The following ODAD2 variants were observed in gnomAD, a reference collection of about 807,000 sequenced individuals.
ODAD2 encodes the protein outer dynein arm-docking complex subunit 2.
ODAD2 carries 89 observed loss-of-function variants against 106.8 expected under a neutral mutation model. The observed-to-expected ratio is 0.83, with a 90% CI of 0.70 to 0.99. ODAD2 has a LOEUF of 0.99. Among genes scored for constraint, ODAD2 ranks in the 50% least tolerant of loss-of-function variants. The pLI is 0.00. For synonymous variants in ODAD2, 404 were observed against 436.2 expected, an observed-to-expected ratio of 0.93 and a Z score of 0.92; for missense variants, 1,168 against 1,238.5, an observed-to-expected ratio of 0.94 and a Z score of 0.85.
intron 2 of ODAD2, among the ~76,000 whole-genome samples, chr10:27,994,054 A>C (rs1459452177): frequency 6.6e-6 from 1 of 151,468 alleles, no homozygotes; most frequent in Non-Finnish European, 1.5e-5. Context: ...TTAATGAACT[A>C]ATACATTCTT....
intron 16 of ODAD2, among the ~76,000 whole-genome samples, chr10:27,917,388 T>C (rs1450704897): frequency 1.3e-5 from 2 of 151,990 alleles, no homozygotes; most frequent in East Asian, 1.9e-4. Context: ...TAAAGAAAAA[T>C]GTATACCTTT....
intron 19 of ODAD2, among the ~76,000 whole-genome samples, chr10:27,833,864 G>C (rs939470149): frequency 6.6e-6 from 1 of 152,222 alleles, no homozygotes; most frequent in African/African-American, 2.4e-5. Flanking sequence ...ACACCTCCCT[G>C]AAGAACAAGA....
chr10:27,895,502 G>A (rs1842802758), intron 17 of ODAD2, among the ~76,000 whole-genome samples: 3 of 152,112 alleles, frequency 2.0e-5, no homozygotes, highest in Admixed American at 2.0e-4. Flanking sequence ...TGGCCAGGCT[G>A]GGTCTTGAAC....
At chr10:27,877,120 T>G (rs1841393860) in intron 17 of ODAD2, among the ~76,000 whole-genome samples, 1 of 152,118 alleles carries the variant, frequency 6.6e-6, no homozygotes, top group Non-Finnish European at 1.5e-5. Flanking sequence ...TTACAAACAC[T>G]TAAAAGGAAC....
intron 9 of ODAD2, among the ~76,000 whole-genome samples, chr10:27,964,008 A>G (rs778389473): frequency 1.3e-5 from 2 of 152,076 alleles, no homozygotes; most frequent in African/African-American, 2.4e-5. Context: ...GATTGCTTGA[A>G]GTTGGGAGTT....
At chr10:27,898,755 A>G (rs1249699749) in intron 17 of ODAD2, among the ~76,000 whole-genome samples, 2 of 152,172 alleles carry the variant, frequency 1.3e-5, no homozygotes, top group Non-Finnish European at 2.9e-5. Flanking sequence ...ATTGATATTG[A>G]CGAATACATT....
Position 27,994,928 on chromosome 10 carries a change from T to C in ODAD2, c.215A>G (p.Tyr72Cys), listed in dbSNP as rs376330781. The change falls in exon 2 of 20, where the codon TAT becomes TGT. Residue 72 changes from tyrosine to cysteine, a missense_variant. Transcript: ENST00000305242. ...SLAPSAFESG[Y>C]VVSETTVKSE... Reference sequence around the variant, plus strand: ...CAAGTAACTGGCTTACCTGACAACATAACCTGATTCAAATGCTGAGGGCGC... The same window carrying C: ...CAAGTAACTGGCTTACCTGACAACACAACCTGATTCAAATGCTGAGGGCGC... The C allele has an allele frequency of 5.0e-6, 8 of 1,614,128 alleles. No homozygotes were observed. In the Admixed American group the frequency reaches 8.3e-5, roughly 17 times the overall value.
At chr10:27,933,567 G>A (rs1297359783) in intron 16 of ODAD2, among the ~76,000 whole-genome samples, 1 of 152,156 alleles carries the variant, frequency 6.6e-6, no homozygotes, top group Non-Finnish European at 1.5e-5. Flanking sequence ...AAAGATGACA[G>A]AGCCCAACTG....
At chr10:27,917,816 G>A (rs78265374) in intron 16 of ODAD2, among the ~76,000 whole-genome samples, 9,459 of 151,288 alleles carry the variant, frequency 0.063, 378 homozygotes, top group East Asian at 0.18. Context: ...AGAGACTGAT[G>A]GAGAGAGAGA....
chr10:27,963,990 G>A (rs1848329055), intron 9 of ODAD2, among the ~76,000 whole-genome samples: 1 of 152,178 alleles, frequency 6.6e-6, no homozygotes, highest in South Asian at 2.1e-4. Context: ...GGGAAGCCGA[G>A]GTGAGTGGAT....
intron 13 of ODAD2, among the ~76,000 whole-genome samples, 173 bp from the exon 14 acceptor site, chr10:27,940,180 T>C (rs938811413): frequency 1.3e-5 from 2 of 151,998 alleles, no homozygotes; most frequent in South Asian, 4.2e-4. Flanking sequence ...CACATATGTG[T>C]GTTTGTGTGT....
intron 10 of ODAD2, among the ~76,000 whole-genome samples, chr10:27,950,152 A>AT (rs1377117020): frequency 9.2e-5 from 14 of 152,054 alleles, no homozygotes; most frequent in Non-Finnish European, 1.6e-4. Flanking sequence ...CATTCTCAGC[A>AT]TTTTTTCCTT....
intron 9 of ODAD2, among the ~76,000 whole-genome samples, chr10:27,963,341 C>T (rs1848270114): frequency 6.6e-6 from 1 of 152,042 alleles, no homozygotes; most frequent in South Asian, 2.1e-4. Flanking sequence ...ATTTCTAAAC[C>T]TCACAACCAC....
intron 17 of ODAD2, among the ~76,000 whole-genome samples, chr10:27,865,817 G>T (rs1372323239): frequency 6.6e-6 from 1 of 152,196 alleles, no homozygotes; most frequent in East Asian, 1.9e-4. Context: ...CACGAGTCAG[G>T]TTCTATGCAA....
intron 17 of ODAD2, among the ~76,000 whole-genome samples, chr10:27,882,173 A>AAAAGAAAAAGAAAG (rs1841758822): frequency 9.1e-6 from 1 of 109,682 alleles, no homozygotes; most frequent in African/African-American, 3.5e-5. Flanking sequence ...GTCATAAAAA[A>AAAAGAAAAAGAAAG]AAAGAAAGAA....
At chr10:27,912,040 T>C (rs950277905) in intron 16 of ODAD2, among the ~76,000 whole-genome samples, 1 of 152,214 alleles carries the variant, frequency 6.6e-6, no homozygotes, top group African/African-American at 2.4e-5. Context: ...AAAGTTTTCA[T>C]TTGAAGTTGT....
intron 10 of ODAD2, among the ~76,000 whole-genome samples, chr10:27,946,525 G>A (rs1353807525): frequency 6.6e-6 from 1 of 151,940 alleles, no homozygotes; most frequent in Non-Finnish European, 1.5e-5. Context: ...TTTGTGGTGG[G>A]AACTTTACAA....
chr10:27,945,077 G>A (rs920900456), intron 10 of ODAD2, 115 bp from the exon 11 acceptor site: 6 of 1,227,148 alleles, frequency 4.9e-6, no homozygotes, highest in Admixed American at 3.9e-5. Flanking sequence ...GCTAGAATTT[G>A]TTAAATGAAT....
At chr10:27,937,470 G>A (rs760791598) in intron 14 of ODAD2, among the ~76,000 whole-genome samples, 5 of 151,488 alleles carry the variant, frequency 3.3e-5, no homozygotes, top group Non-Finnish European at 7.4e-5. Flanking sequence ...CTCCAATCAA[G>A]TTTCTATGCC....
Sources: allele counts gnomAD v4.1 joint callset (sites outside exome capture counted in the v4.1 genomes callset), GRCh38; gene constraint gnomAD v4.1.1; transcripts MANE v1.5; gene names NCBI Gene and HGNC (gene_info 2026-07-23, HGNC 2026-07-21).